The following MAPDA variants were observed in gnomAD, a reference collection of about 807,000 sequenced individuals.
The protein encoded by MAPDA is N6,N6-dimethyl-AMP deaminase.
chr15:43,330,595 C>T, the MAPDA span: 1,217 of 1,301,206 alleles, frequency 9.4e-4, 30 homozygotes, highest in East Asian at 0.032. Flanking sequence ...ACCCATGCTC[C>T]TGGACTTCCC....
chr15:43,333,435 G>T, the MAPDA span: 2 of 151,468 alleles, frequency 1.3e-5, no homozygotes, highest in African/African-American at 2.4e-5. Context: ...AAAAAAAAAG[G>T]TATGTTTTTC....
At chr15:43,333,280 G>GTGGTGCA in the MAPDA span, 1 of 152,116 alleles carries the variant, frequency 6.6e-6, no homozygotes, top group Admixed American at 6.6e-5. Context: ...GATGGGCATT[G>GTGGTGCA]TGGTGCATGC....
the MAPDA span, among the ~76,000 whole-genome samples, chr15:43,337,736 A>T: frequency 4.8e-3 from 726 of 152,336 alleles, 7 homozygotes; most frequent in African/African-American, 0.017. Context: ...TAAGTAAATT[A>T]AGCACCTTTT....
chr15:43,352,047 A>G, the MAPDA span: 1 of 1,232,776 alleles, frequency 8.1e-7, no homozygotes, highest in Non-Finnish European at 1.1e-6. Flanking sequence ...CATAGCAACC[A>G]AGTTCCTTGG....
chr15:43,348,624 A>G, the MAPDA span, among the ~76,000 whole-genome samples: 1 of 152,166 alleles, frequency 6.6e-6, no homozygotes, highest in Non-Finnish European at 1.5e-5. Context: ...CTTCATCTTA[A>G]TACTTTTTAA....
chr15:43,334,635 A>ATT, the MAPDA span, among the ~76,000 whole-genome samples: 4 of 47,962 alleles, frequency 8.3e-5, no homozygotes, highest in African/African-American at 6.7e-4. Flanking sequence ...CAAAAAAATT[A>ATT]TATATATATA....
chr15:43,334,248 A>G, the MAPDA span, among the ~76,000 whole-genome samples: 1 of 152,202 alleles, frequency 6.6e-6, no homozygotes, highest in Non-Finnish European at 1.5e-5. Context: ...TCTAACCTGT[A>G]GAGCTGGTAA....
chr15:43,332,454 G>A, the MAPDA span: 1 of 151,976 alleles, frequency 6.6e-6, no homozygotes, highest in Non-Finnish European at 1.5e-5. Flanking sequence ...TTTAATGACA[G>A]GTTCCTAAAA....
At chr15:43,350,866 G>A in the MAPDA span, 10 of 1,231,140 alleles carry the variant, frequency 8.1e-6, no homozygotes, top group African/African-American at 4.6e-5. Context: ...AATATTTCTC[G>A]TGTCTACTTG....
chr15:43,335,264 G>A, the MAPDA span: 1 of 1,338,250 alleles, frequency 7.5e-7, no homozygotes, highest in Middle Eastern at 2.1e-4. Flanking sequence ...GCTGGGCGCA[G>A]TGGCTCATGC....
At chr15:43,351,825 C>T in the MAPDA span, 1 of 1,551,552 alleles carries the variant, frequency 6.4e-7, no homozygotes, top group Admixed American at 2.0e-5. Context: ...TTAATTTGAC[C>T]CAGTCTCAGG....
At chr15:43,343,139 G>C in the MAPDA span, 8 of 1,161,582 alleles carry the variant, frequency 6.9e-6, no homozygotes, top group Non-Finnish European at 9.6e-6. Flanking sequence ...TTACTGTTTT[G>C]ATCATGGGTG....
chr15:43,346,091 C>A, the MAPDA span: 1 of 1,394,446 alleles, frequency 7.2e-7, no homozygotes, highest in East Asian at 2.3e-5. Context: ...ACAGACACTC[C>A]ATTCTGTGGA....
At chr15:43,335,885 G>A in the MAPDA span, 1 of 1,568,532 alleles carries the variant, frequency 6.4e-7, no homozygotes, top group African/African-American at 1.4e-5. Flanking sequence ...TTTTGAGATT[G>A]TAAGTAGTAT....
chr15:43,338,744 A>C, the MAPDA span, among the ~76,000 whole-genome samples: 1 of 152,242 alleles, frequency 6.6e-6, no homozygotes, highest in South Asian at 2.1e-4. Flanking sequence ...GAAAGGGCTA[A>C]ATCTGGCAAA....
chr15:43,335,925 T>C, the MAPDA span: 65 of 1,458,166 alleles, frequency 4.5e-5, no homozygotes, highest in Middle Eastern at 1.8e-4. Flanking sequence ...TAAACAGAAA[T>C]AGGGTTGGCA....
chr15:43,342,463 AAAAG>A, the MAPDA span, among the ~76,000 whole-genome samples: 30 of 151,686 alleles, frequency 2.0e-4, no homozygotes, highest in African/African-American at 7.3e-4. Flanking sequence ...AAAAAAAAAA[AAAAG>A]GACAAGTGTA....
At chr15:43,349,279 C>T in the MAPDA span, 2 of 1,238,696 alleles carry the variant, frequency 1.6e-6, no homozygotes, top group Non-Finnish European at 2.0e-6. Flanking sequence ...TTACATTCTC[C>T]AATGCTTGGA....
chr15:43,348,935 T>TA, the MAPDA span: 1 of 1,614,020 alleles, frequency 6.2e-7, no homozygotes, highest in South Asian at 1.1e-5. Flanking sequence ...GAAACACAAA[T>TA]ACTCCTGGAT....
Sources: allele counts gnomAD v4.1 joint callset (sites outside exome capture counted in the v4.1 genomes callset), GRCh38; gene constraint gnomAD v4.1.1; transcripts MANE v1.5; gene names NCBI Gene and HGNC (gene_info 2026-07-23, HGNC 2026-07-21).